Variants in RANBP2 observed in about 807,000 individuals in gnomAD.
RANBP2 encodes RAN binding protein 2.
Under a neutral mutation model 303.6 loss-of-function variants are expected in RANBP2, and 57 were observed. That is an observed-to-expected ratio of 0.19 (90% CI 0.15 to 0.23). The LOEUF is 0.23. Ranked by LOEUF, RANBP2 falls within the 10% of genes least tolerant of loss-of-function variation. The pLI is 1.00. For missense variants in RANBP2, 3,138 were observed against 3,780.8 expected, an observed-to-expected ratio of 0.83 and a Z score of 4.46; for synonymous variants, 1,167 against 1,301.5, an observed-to-expected ratio of 0.90 and a Z score of 2.23.
chr2:108,905,526 G>A, the RANBP2 span, among the ~76,000 whole-genome samples: 1 of 151,844 alleles, frequency 6.6e-6, no homozygotes, highest in African/African-American at 2.4e-5. Context: ...GGCCTACGGT[G>A]GGGTGTGGGG....
the RANBP2 span, among the ~76,000 whole-genome samples, chr2:109,146,862 C>T: frequency 8.4e-4 from 58 of 68,880 alleles, no homozygotes; most frequent in African/African-American, 1.4e-3. Context: ...TCCCTCTCTT[C>T]CCCTCTTCTC....
chr2:108,758,434 C>G lies in RANBP2; in HGVS notation c.2488C>G (p.Leu830Val), dbSNP rs375195642. 5.6e-6 allele frequency: 9 copies of G among 1,610,674 alleles called. No homozygotes were observed. The highest frequency in any genetic ancestry group is 7.6e-6 in the Non-Finnish European group (9 of 1,179,680). ...AIKKEMQELK[L>V]NSSNSASPHR... is the part of the protein sequence containing the mutation. ...ATAGAAAGAAATGCAGGAGTTGAAA[C>G]TAAATAGCAGTAACTCAGCATCCCC... The change falls in exon 18 of 29, where the codon CTA becomes GTA. Residue 830 changes from leucine to valine, a missense_variant. By Grantham distance (32) the Leu-to-Val change is conservative. Coordinates refer to ENST00000283195, the MANE Select transcript of RANBP2 (RefSeq NM_006267.5).
intron 1 of RANBP2, among the ~76,000 whole-genome samples, chr2:108,728,484 CTTG>C (rs1199583642): frequency 1.3e-5 from 2 of 151,948 alleles, no homozygotes; most frequent in Non-Finnish European, 2.9e-5. Context: ...GAGACAGGAT[CTTG>C]TTGTGTTGCA....
At chr2:109,088,390 C>G in the RANBP2 span, among the ~76,000 whole-genome samples, 2 of 59,706 alleles carry the variant, frequency 3.3e-5, no homozygotes, top group Admixed American at 2.9e-4. Context: ...GAGCAAGATT[C>G]CATCTCAAAA....
chr2:109,091,631 T>A, the RANBP2 span, among the ~76,000 whole-genome samples: 1 of 152,214 alleles, frequency 6.6e-6, no homozygotes, highest in African/African-American at 2.4e-5. Context: ...GGATTGCCCC[T>A]GTGGCTACCT....
the RANBP2 span, chr2:109,565,701 G>T: frequency 7.4e-7 from 1 of 1,347,894 alleles, no homozygotes; most frequent in Non-Finnish European, 1.1e-6. Context: ...AAGAAGGCAT[G>T]ACAGGTAGCT....
the RANBP2 span, among the ~76,000 whole-genome samples, chr2:109,344,659 G>C: frequency 6.6e-6 from 1 of 152,204 alleles, no homozygotes; most frequent in African/African-American, 2.4e-5. Context: ...GAGATGACAG[G>C]CAAGGCAGTG....
the RANBP2 span, among the ~76,000 whole-genome samples, chr2:108,802,921 C>T: frequency 3.3e-5 from 5 of 152,108 alleles, no homozygotes; most frequent in Non-Finnish European, 7.3e-5. Flanking sequence ...TGTTTATATG[C>T]TGGATTACAT....
the RANBP2 span, among the ~76,000 whole-genome samples, chr2:109,719,696 C>T: frequency 9.9e-5 from 15 of 152,048 alleles, no homozygotes; most frequent in East Asian, 7.7e-4. Context: ...CTAGCCACCA[C>T]GCCTGGCCCA....
At chr2:108,965,215 C>T in the RANBP2 span, among the ~76,000 whole-genome samples, 1 of 152,076 alleles carries the variant, frequency 6.6e-6, no homozygotes, top group African/African-American at 2.4e-5. Context: ...CGGTGGCTCA[C>T]GACTGTAATC....
chr2:109,102,004 T>C, the RANBP2 span, among the ~76,000 whole-genome samples: 2 of 152,214 alleles, frequency 1.3e-5, no homozygotes. Context: ...TTTCTAACGA[T>C]CATAACAAAA....
At chr2:109,683,729 G>T in the RANBP2 span, among the ~76,000 whole-genome samples, 4 of 152,016 alleles carry the variant, frequency 2.6e-5, no homozygotes, top group African/African-American at 9.7e-5. Context: ...GGAACCTCCT[G>T]CCCAGGCCCG....
chr2:109,408,651 T>C, the RANBP2 span, among the ~76,000 whole-genome samples: 1 of 152,246 alleles, frequency 6.6e-6, no homozygotes, highest in Non-Finnish European at 1.5e-5. Context: ...GCACTGGCAC[T>C]CTCAGACAGA....
the RANBP2 span, among the ~76,000 whole-genome samples, chr2:109,077,640 G>T: frequency 6.6e-6 from 1 of 150,434 alleles, no homozygotes; most frequent in Non-Finnish European, 1.5e-5. Flanking sequence ...TTAAAAATGG[G>T]CAAAGGACTT....
the RANBP2 span, among the ~76,000 whole-genome samples, chr2:109,624,859 T>A: frequency 6.6e-6 from 1 of 152,008 alleles, no homozygotes; most frequent in South Asian, 2.1e-4. Flanking sequence ...GGTGGGCAGA[T>A]CACCTGAGGT....
chr2:109,542,699 G>T, the RANBP2 span, among the ~76,000 whole-genome samples: 1 of 152,186 alleles, frequency 6.6e-6, no homozygotes, highest in African/African-American at 2.4e-5. Flanking sequence ...TTCTGAGCTT[G>T]TTCTATGACA....
chr2:109,605,193 G>T, the RANBP2 span, among the ~76,000 whole-genome samples: 881 of 152,252 alleles, frequency 5.8e-3, 11 homozygotes, highest in South Asian at 0.056. Context: ...AGCCAGTCAG[G>T]CTTAGTTTTT....
chr2:109,645,525 G>A, the RANBP2 span, among the ~76,000 whole-genome samples: 29 of 152,156 alleles, frequency 1.9e-4, no homozygotes, highest in Non-Finnish European at 1.2e-4. Flanking sequence ...AAGGCTTTCC[G>A]GGGAGATGTG....
At chr2:109,743,205 A>G in the RANBP2 span, among the ~76,000 whole-genome samples, 217 of 148,276 alleles carry the variant, frequency 1.5e-3, 16 homozygotes, top group South Asian at 2.6e-3. Flanking sequence ...TGGGAGGCCG[A>G]TGCTGCAGTA....
Sources: allele counts gnomAD v4.1 joint callset (sites outside exome capture counted in the v4.1 genomes callset), GRCh38; gene constraint gnomAD v4.1.1; transcripts MANE v1.5; gene names NCBI Gene and HGNC (gene_info 2026-07-23, HGNC 2026-07-21).